Variants in ZNF554 observed in about 807,000 individuals in gnomAD.
ZNF554 encodes zinc finger protein 554.
In ZNF554, 15 loss-of-function variants were observed where a neutral mutation model predicts 21.2. The observed-to-expected ratio is 0.71, with a 90% CI of 0.47 to 1.09. The LOEUF is 1.09. Ranked by LOEUF, ZNF554 falls within the 50% of genes least tolerant of loss-of-function variation. The pLI, the probability that ZNF554 is intolerant of heterozygous loss-of-function variation, is 0.00. For missense variants in ZNF554, 691 were observed against 662.7 expected (o/e 1.04, Z -0.47); for synonymous variants, 258 against 251.4 (o/e 1.03, Z -0.25).
chr19:2,824,527 C>G (rs1184241738), intron 2 of ZNF554, among the ~76,000 whole-genome samples: 1 of 152,248 alleles, frequency 6.6e-6, no homozygotes, highest in African/African-American at 2.4e-5. Flanking sequence ...AGGCATCCTC[C>G]TCTTTACCTG....
chr19:2,825,366 A>G (rs1206425688), intron 2 of ZNF554, among the ~76,000 whole-genome samples: 1 of 152,114 alleles, frequency 6.6e-6, no homozygotes, highest in African/African-American at 2.4e-5. Flanking sequence ...GCTGAAGTGC[A>G]GTGGCACAAT....
Position 2,834,109 on chromosome 19 carries a change from G to T in ZNF554, c.874G>T (p.Gly292Trp). ...IRQNSHFIQH[G>W]GKMFVYLENG... is the part of the protein sequence containing the mutation. ...CCAGAACAGTCACTTTATTCAACAC[G>T]GGGGGAAGATGTTTGTGTATTTGGA... The change falls in exon 5 of 5, where the codon GGG (glycine) becomes TGG (tryptophan). Residue 292 changes from glycine to tryptophan, a missense_variant. Physicochemically the swap from Gly to Trp is radical, Grantham distance 184. Transcript: ENST00000317243. The T allele has an allele frequency of 2.5e-6, 4 of 1,613,950 alleles. No individual in the cohort carries two copies. Among genetic ancestry groups the T allele is most frequent in the Non-Finnish European group, 3.4e-6 (4 of 1,180,002 alleles).
intron 2 of ZNF554, among the ~76,000 whole-genome samples, chr19:2,825,527 A>T (rs12151371): frequency 0.26 from 38,790 of 152,040 alleles, 6,244 homozygotes; most frequent in East Asian, 0.67. Flanking sequence ...GCCAGGCTGG[A>T]CTTGAACTCC....
rs192240264 is a variant in ZNF554 at position 2,834,221 on chromosome 19, G to A, written c.986G>A (p.Cys329Tyr). 1.2e-6 allele frequency: 2 copies of A among 1,614,034 alleles called. No homozygotes were observed. The highest frequency in any genetic ancestry group is 2.2e-5 in the East Asian group (1 of 44,886). Residue 329 changes from cysteine to tyrosine, a missense_variant, in exon 5 of 5, where the codon TGT (cysteine) becomes TAT (tyrosine). Cys to Tyr is a radical substitution (Grantham distance 194). Coordinates refer to ENST00000317243, the MANE Select transcript of ZNF554 (RefSeq NM_001102651.2). ...TAEKPFECHQ[C>Y]GKVFNRRHSL... is the part of the protein sequence containing the mutation. Reference sequence around the variant, plus strand: ...GAGAAACCCTTTGAGTGCCACCAGTGTGGGAAGGTGTTCAACCGGAGGCAT... The same window carrying A: ...GAGAAACCCTTTGAGTGCCACCAGTATGGGAAGGTGTTCAACCGGAGGCAT...
chr19:2,835,335 G>A lies in ZNF554; in HGVS notation c.*483G>A, dbSNP rs1338496636. ...AAAATACAAAAAAGTAGCCGGGCGT[G>A]GTGGTGGGCGCCTGTAGTCCCAACT... On this transcript the variant is annotated 3_prime_UTR_variant, in exon 5 of 5. Transcript: ENST00000317243. 1.3e-5 allele frequency: 2 copies of A among 156,176 alleles called. No homozygotes were observed. The highest frequency in any genetic ancestry group is 2.8e-5 in the Non-Finnish European group (2 of 70,402). 9.7% of individuals were successfully genotyped at this position (156,176 alleles called of 1,614,324 possible). A position where few individuals can be genotyped will look rare whatever the true frequency, so the allele number is the denominator to read the frequency against.
intron 3 of ZNF554, 95 bp downstream of exon 3, chr19:2,827,838 C>CT: frequency 6.8e-7 from 1 of 1,461,590 alleles, no homozygotes; most frequent in Non-Finnish European, 9.4e-7. Context: ...ATACCCAAGA[C>CT]TGGGTAATTT....
chr19:2,824,719 A>G (rs575592604), intron 2 of ZNF554, among the ~76,000 whole-genome samples: 4 of 152,368 alleles, frequency 2.6e-5, no homozygotes, highest in African/African-American at 9.6e-5. Flanking sequence ...CATGAAATAC[A>G]TATGAACTTT....
At chr19:2,828,849 G>A (rs1325269973) in intron 3 of ZNF554, among the ~76,000 whole-genome samples, 2 of 152,032 alleles carry the variant, frequency 1.3e-5, no homozygotes, top group Non-Finnish European at 2.9e-5. Context: ...CAGATCTCAT[G>A]AGAACTCACT....
rs1200444557 is a variant in ZNF554, at chr19:2,835,556, T to G, written c.*704T>G. On this transcript the variant is annotated 3_prime_UTR_variant, in exon 5 of 5. Coordinates refer to ENST00000317243, the MANE Select transcript of ZNF554 (RefSeq NM_001102651.2). Reference sequence around the variant, plus strand: ...ACTCCTGGGGTCAAGCATCCTCCTGTCTTGGCCTCCCAAAGTGTTGGGATT... The same window carrying G: ...ACTCCTGGGGTCAAGCATCCTCCTGGCTTGGCCTCCCAAAGTGTTGGGATT... The G allele has an allele frequency of 1.3e-5, 2 of 152,070 alleles. No homozygotes were observed. The allele number at this position is 152,070 out of a possible 1,614,324, so 9.4% of individuals were successfully genotyped here. A position where few individuals can be genotyped will look rare whatever the true frequency, so the allele number is the denominator to read the frequency against.
chr19:2,834,566 C>A lies in ZNF554; in HGVS notation c.1331C>A (p.Ala444Asp), dbSNP rs746730033. The change falls in exon 5 of 5, where the codon GCC becomes GAC. Residue 444 changes from alanine to aspartate, a missense_variant. Physicochemically the swap from Ala to Asp is moderately radical, Grantham distance 126 (BLOSUM62 -2). Transcript: ENST00000317243. ...TACGAATGCAGTGAATGTGGAAAGG[C>A]CTTCAGTGACCGTTCCTCTCTCAAC... ...KPYECSECGKAFSDRSSLNQH... is the reference protein window; with the variant it reads ...KPYECSECGKDFSDRSSLNQH... 6.2e-7 allele frequency: 1 copy of A among 1,614,060 alleles called. No homozygotes were observed. Among genetic ancestry groups the A allele is most frequent in the South Asian group, 1.1e-5 (1 of 91,062 alleles).
intron 3 of ZNF554, among the ~76,000 whole-genome samples, chr19:2,830,070 G>A (rs1006448520): frequency 3.9e-5 from 6 of 151,942 alleles, no homozygotes; most frequent in Non-Finnish European, 7.4e-5. Flanking sequence ...GACTACAGGC[G>A]CCCGCCACCA....
chr19:2,825,940 G>A (rs1391186409), intron 2 of ZNF554, among the ~76,000 whole-genome samples: 4 of 152,012 alleles, frequency 2.6e-5, no homozygotes, highest in African/African-American at 9.7e-5. Flanking sequence ...CACTCTTGTT[G>A]CCCAGGCTGG....
chr19:2,833,789 G>C lies in ZNF554; in HGVS notation c.554G>C (p.Gly185Ala). 1 of 1,610,398 alleles carries C rather than the reference G, an allele frequency of 6.2e-7. No homozygotes were observed. The highest frequency in any genetic ancestry group is 8.5e-7 in the Non-Finnish European group (1 of 1,178,556). Reference sequence around the variant, plus strand: ...ATAAAGCTTATCAGAGAAGATGGGGGATGGAAGCAGTTAGAGGACAGCCAT... The same window carrying C: ...ATAAAGCTTATCAGAGAAGATGGGGCATGGAAGCAGTTAGAGGACAGCCAT... ...NMIKLIREDG[G>A]WKQLEDSHED... The change falls in exon 5 of 5, where the codon GGA becomes GCA. Residue 185 changes from glycine to alanine, a missense_variant. Coordinates refer to ENST00000317243, the MANE Select transcript of ZNF554 (RefSeq NM_001102651.2).
intron 4 of ZNF554, among the ~76,000 whole-genome samples, 174 bp downstream of exon 4, chr19:2,832,668 C>CCT (rs947307357): frequency 3.9e-5 from 6 of 152,176 alleles, no homozygotes; most frequent in African/African-American, 1.4e-4. Context: ...CCTTACATGA[C>CCT]CTCTCTCTGG....
chr19:2,831,757 A>G (rs981448866), intron 3 of ZNF554: 1 of 151,550 alleles, frequency 6.6e-6, no homozygotes, highest in East Asian at 1.9e-4. Context: ...AGACCACCAC[A>G]CCTGGCTAGT....
At chr19:2,829,826 C>T (rs1359303411) in intron 3 of ZNF554, among the ~76,000 whole-genome samples, 3 of 152,140 alleles carry the variant, frequency 2.0e-5, no homozygotes, top group Non-Finnish European at 4.4e-5. Flanking sequence ...TCAACCAAAA[C>T]TCTGTACCCG....
At chr19:2,822,096 G>A (rs2087272218) in intron 1 of ZNF554, among the ~76,000 whole-genome samples, 1 of 152,076 alleles carries the variant, frequency 6.6e-6, no homozygotes, top group East Asian at 1.9e-4. Context: ...CATTGCCCAG[G>A]CTGGAGTGCA....
At chr19:2,822,947 C>T (rs928442271) in intron 1 of ZNF554, 93 bp from the exon 2 acceptor site, 6 of 1,397,074 alleles carry the variant, frequency 4.3e-6, no homozygotes, top group Non-Finnish European at 5.9e-6. Flanking sequence ...TGGGGGGCCC[C>T]TTCAAGCAAA....
At position 2,821,326 on chromosome 19, in the gene ZNF554, G is replaced by A. The variant is rs2087260888; in HGVS notation, c.53+1202G>A. ...GGCTGGTATCGAACTCCTGACCTCA[G>A]GTGATCCACCTACCTCGGCCTCCCA... is the stretch of plus-strand genomic sequence containing the variant. On this transcript the variant is annotated intron_variant, in intron 1 of 4. Transcript: ENST00000317243. This position sits in a 1 kb window ranked among gnomAD's most constrained non-coding sequence, Gnocchi z 8.2. 6.6e-6 allele frequency among the ~76,000 whole-genome samples: 1 copy of A among 151,716 alleles called. No individual in the cohort carries two copies. The highest frequency in any genetic ancestry group is 6.5e-5 in the Admixed American group (1 of 15,278).
Sources: allele counts gnomAD v4.1 joint callset (sites outside exome capture counted in the v4.1 genomes callset), GRCh38; gene constraint gnomAD v4.1.1; non-coding constraint Gnocchi (gnomAD v3.1); transcripts MANE v1.5; gene names NCBI Gene and HGNC (gene_info 2026-07-23, HGNC 2026-07-21).